CELF2: variants seen among roughly 807,000 people sequenced by gnomAD.
CELF2 encodes the protein CUG triplet repeat RNA-binding protein 2.
A neutral mutation model predicts 62.6 loss-of-function variants in CELF2; 8 were observed. That is an observed-to-expected ratio of 0.13 (90% CI 0.07 to 0.23). The LOEUF (loss-of-function observed/expected upper bound fraction) is 0.23. Ranked by LOEUF, CELF2 falls within the 10% of genes least tolerant of loss-of-function variation. CELF2 has a pLI of 1.00. For synonymous variants in CELF2, 258 were observed against 250.0 expected (o/e 1.03, Z -0.30); for missense variants, 333 against 671.0 (o/e 0.50, Z 5.56).
intron 9 of CELF2, among the ~76,000 whole-genome samples, chr10:11,295,654 C>A (rs1164590111): frequency 6.6e-6 from 1 of 152,188 alleles, no homozygotes; most frequent in African/African-American, 2.4e-5. Context: ...GGCCCTGCTG[C>A]TCGGGCTGCT....
chr10:10,598,304 G>A, the CELF2 span, among the ~76,000 whole-genome samples: 1 of 152,138 alleles, frequency 6.6e-6, no homozygotes, highest in African/African-American at 2.4e-5. Flanking sequence ...CTCAGAAAAG[G>A]CCCTTGATAG....
chr10:10,648,995 T>A, the CELF2 span, among the ~76,000 whole-genome samples: 194 of 152,316 alleles, frequency 1.3e-3, 1 homozygote, highest in African/African-American at 4.4e-3. Flanking sequence ...CACCTTTCCT[T>A]ATGGTATATT....
the CELF2 span, among the ~76,000 whole-genome samples, chr10:10,480,709 C>T: frequency 2.6e-5 from 4 of 152,228 alleles, no homozygotes; most frequent in South Asian, 2.1e-4. Flanking sequence ...GTAACAACTA[C>T]CTTTGAAAGT....
the CELF2 span, among the ~76,000 whole-genome samples, chr10:10,501,192 A>T: frequency 6.6e-6 from 1 of 152,338 alleles, no homozygotes; most frequent in African/African-American, 2.4e-5. Context: ...TTAGTTTTGC[A>T]GACTGGCTGT....
chr10:10,520,470 A>G, the CELF2 span, among the ~76,000 whole-genome samples: 21 of 152,286 alleles, frequency 1.4e-4, no homozygotes, highest in East Asian at 3.9e-3. Context: ...TGTTCTCCCA[A>G]TACTTAAGAG....
At chr10:11,194,751 C>T (rs1481600579) in intron 2 of CELF2, among the ~76,000 whole-genome samples, 1 of 152,210 alleles carries the variant, frequency 6.6e-6, no homozygotes, top group Non-Finnish European at 1.5e-5. Context: ...GTTTCTGAAT[C>T]TGAAAGAAAG....
chr10:10,608,063 G>A, the CELF2 span, among the ~76,000 whole-genome samples: 1 of 152,168 alleles, frequency 6.6e-6, no homozygotes, highest in African/African-American at 2.4e-5. Flanking sequence ...AGGAGGTGGA[G>A]GTTGCAGTGA....
chr10:11,113,582 A>G (rs2055785099), intron 1 of CELF2, among the ~76,000 whole-genome samples: 1 of 152,216 alleles, frequency 6.6e-6, no homozygotes, highest in Non-Finnish European at 1.5e-5. Flanking sequence ...GCCCCTTTAA[A>G]TATACGTGGG....
chr10:11,281,723 G>A (rs1200415962), intron 8 of CELF2, among the ~76,000 whole-genome samples: 1 of 152,220 alleles, frequency 6.6e-6, no homozygotes, highest in Non-Finnish European at 1.5e-5. Context: ...CCAGCCCGGT[G>A]ACGGAGCAAG....
rs982504742 is a variant in CELF2 at position 11,012,578 on chromosome 10, G to A, written c.53+7138G>A. 8.5e-5 allele frequency among the ~76,000 whole-genome samples: 13 copies of A among 152,048 alleles called. No homozygotes were observed. Among genetic ancestry groups the A allele is most frequent in the Non-Finnish European group, 1.3e-4 (9 of 68,010 alleles). ...TGCCTTCTCCGGGACCGAATGTTAC[G>A]CCTGCAACTGTGTCCTCCCAGCTGT... On this transcript the variant is annotated intron_variant, in intron 1 of 12. Coordinates refer to the CELF2 transcript ENST00000416382. The surrounding 1 kb of genome is among the most constrained non-coding windows in gnomAD (Gnocchi z 5.5).
intron 1 of CELF2, among the ~76,000 whole-genome samples, chr10:11,128,361 T>C (rs959666918): frequency 3.9e-5 from 6 of 152,234 alleles, no homozygotes; most frequent in Non-Finnish European, 7.3e-5. Context: ...CTTGGCAATG[T>C]GGGCTCTTTT....
chr10:11,210,726 G>A (rs1010380381), intron 2 of CELF2, among the ~76,000 whole-genome samples: 3 of 152,130 alleles, frequency 2.0e-5, no homozygotes, highest in South Asian at 4.1e-4. Flanking sequence ...GCCTTGCTAC[G>A]CGGGGTCAGC....
At chr10:10,662,605 A>C in the CELF2 span, among the ~76,000 whole-genome samples, 8 of 152,208 alleles carry the variant, frequency 5.3e-5, no homozygotes, top group South Asian at 1.4e-3. Context: ...AAGAAGTCTC[A>C]TTTTGTAGTA....
chr10:10,807,302 A>T (rs2131632588), intron 1 of CELF2, among the ~76,000 whole-genome samples: 1 of 152,350 alleles, frequency 6.6e-6, no homozygotes, highest in African/African-American at 2.4e-5. Context: ...ATACATCTGC[A>T]AATCCTGTAA....
intron 3 of CELF2, among the ~76,000 whole-genome samples, chr10:11,245,351 C>G (rs934660487): frequency 5.9e-5 from 9 of 152,200 alleles, no homozygotes; most frequent in Non-Finnish European, 1.0e-4. Flanking sequence ...ATCTGTAACT[C>G]AAATGAACTG....
the CELF2 span, among the ~76,000 whole-genome samples, chr10:10,582,312 A>G: frequency 6.6e-6 from 1 of 152,174 alleles, no homozygotes; most frequent in African/African-American, 2.4e-5. Context: ...CATTGATGAA[A>G]TCCATTGTTA....
chr10:10,819,525 G>A lies in CELF2; in HGVS notation c.53+20708G>A, dbSNP rs11819314. 5.9e-3 allele frequency among the ~76,000 whole-genome samples: 902 copies of A among 152,192 alleles called. 9 individuals are homozygous for A. Among genetic ancestry groups the A allele is most frequent in the African/African-American group, 0.021 (859 of 41,512 alleles). On this transcript the variant is annotated intron_variant, in intron 1 of 13. Transcript: ENST00000636488. ...GTTCTGGAACTCTCAAAGCATTAAC[G>A]TTGTTGACTCACCCCTTTCTCTTTG...
the CELF2 span, among the ~76,000 whole-genome samples, chr10:10,516,263 A>G: frequency 6.6e-6 from 1 of 152,214 alleles, no homozygotes; most frequent in Non-Finnish European, 1.5e-5. Context: ...CAGAAGATTC[A>G]TGGGATGTAT....
rs917159119 is a variant in CELF2 at position 10,892,841 on chromosome 10, T to A, written c.54-27123T>A. Among the ~76,000 whole-genome samples the A allele has an allele frequency of 2.0e-5, 3 of 152,202 alleles. No homozygotes were observed. The East Asian group carries it at 5.8e-4, about 29-fold the overall frequency. The stretch of plus-strand genomic sequence containing the variant: ...GGAGAGAAAGCACACAGAGATGATT[T>A]TTGTTGTTATTGTGTAAAGCTAACA... On this transcript the variant is annotated intron_variant, in intron 1 of 13. Transcript: ENST00000636488.
Sources: gnomAD v4.1 joint callset for allele counts (sites outside exome capture counted in the v4.1 genomes callset) on GRCh38, gnomAD v4.1.1 for gene constraint, Gnocchi (gnomAD v3.1) non-coding constraint, MANE v1.5 for transcripts, NCBI Gene and HGNC (gene_info 2026-07-23, HGNC 2026-07-21) for gene names.